Variants in PKNOX2 observed in about 807,000 individuals in gnomAD.
PKNOX2 encodes the protein PBX/knotted 1 homeobox 2.
A neutral mutation model predicts 53.1 loss-of-function variants in PKNOX2; 14 were observed. That is an observed-to-expected ratio of 0.26 (90% confidence interval 0.17 to 0.41). The LOEUF (loss-of-function observed/expected upper bound fraction) is 0.41. PKNOX2 is among the 10% of genes least tolerant of loss of function. The pLI, the probability that PKNOX2 is intolerant of heterozygous loss-of-function variation, is 1.00. For synonymous variants in PKNOX2, 257 were observed against 242.8 expected, an observed-to-expected ratio of 1.06 and a Z score of -0.54; for missense variants, 496 against 602.8, an observed-to-expected ratio of 0.82 and a Z score of 1.85.
chr11:125,297,117 G>A (rs376377555), intron 2 of PKNOX2, among the ~76,000 whole-genome samples: 3 of 152,222 alleles, frequency 2.0e-5, no homozygotes, highest in African/African-American at 4.8e-5. Context: ...AAGTTGTGCC[G>A]TAGCATCTGC....
At chr11:125,418,863 A>G (rs1053922632) in intron 10 of PKNOX2, among the ~76,000 whole-genome samples, 1 of 152,068 alleles carries the variant, frequency 6.6e-6, no homozygotes, top group African/African-American at 2.4e-5. Context: ...AACTATTTAT[A>G]TAGCATTTAC....
chr11:125,317,387 T>G (rs1949262090), intron 2 of PKNOX2, among the ~76,000 whole-genome samples: 1 of 152,200 alleles, frequency 6.6e-6, no homozygotes, highest in Non-Finnish European at 1.5e-5. Context: ...TTTTCTCAGA[T>G]CCACCAGAGG....
rs188404045 is a variant in PKNOX2 at position 125,312,699 on chromosome 11, G to A, written c.-129-19120G>A. 2.2e-3 allele frequency among the ~76,000 whole-genome samples: 328 copies of A among 152,294 alleles called. 2 individuals carry two copies. Among genetic ancestry groups the A allele is most frequent in the African/African-American group, 6.9e-3 (287 of 41,564 alleles). On this transcript the variant is annotated intron_variant, in intron 2 of 12. Coordinates refer to ENST00000298282, the MANE Select transcript of PKNOX2 (RefSeq NM_001382323.2). ...AACCACCCACCTCGAGGAGCTCCATGGAATGGAGGAGACGCACGTGCCCAT... is the reference window on the plus strand; with the variant it reads ...AACCACCCACCTCGAGGAGCTCCATAGAATGGAGGAGACGCACGTGCCCAT...
In PKNOX2 at chr11:125,355,266, C is replaced by CA. The variant is rs1185584702; in HGVS notation, c.87+3884dup. Among the ~76,000 whole-genome samples the CA allele has an allele frequency of 4.9e-3, 410 of 83,152 alleles. 2 individuals carry two copies. The highest frequency in any genetic ancestry group is 0.018 in the African/African-American group (371 of 20,842). 54.6% of individuals were successfully genotyped at this position (83,152 alleles called of 152,430 possible). A position where few individuals can be genotyped will look rare whatever the true frequency, so the allele number is the denominator to read the frequency against. On this transcript the variant is annotated intron_variant, in intron 4 of 12. Coordinates refer to ENST00000298282, the MANE Select transcript of PKNOX2 (RefSeq NM_001382323.2). ...TGAGTGACAGAGTGAGACTCTATCTCAAAAAAAAAAGAAAAAAAAAAAAAA... is the reference window on the plus strand; with the variant it reads ...TGAGTGACAGAGTGAGACTCTATCTCAAAAAAAAAAAGAAAAAAAAAAAAAA...
At chr11:125,261,990 A>G (rs908775858) in intron 2 of PKNOX2, among the ~76,000 whole-genome samples, 9 of 152,316 alleles carry the variant, frequency 5.9e-5, no homozygotes, top group East Asian at 5.8e-4. Context: ...ACAGCCCAGG[A>G]GGGTGCGGGG....
At chr11:125,197,669 AC>A (rs1937894625) in intron 1 of PKNOX2, among the ~76,000 whole-genome samples, 2 of 151,940 alleles carry the variant, frequency 1.3e-5, no homozygotes, top group Admixed American at 6.5e-5. Flanking sequence ...AACAACAACA[AC>A]AACAAAAAAA....
At chr11:125,295,793 TATCGTTTCGGC>T (rs1947620466) in intron 2 of PKNOX2, among the ~76,000 whole-genome samples, 1 of 152,190 alleles carries the variant, frequency 6.6e-6, no homozygotes, top group Non-Finnish European at 1.5e-5. Flanking sequence ...TTCTCGTCTG[TATCGTTTCGGC>T]ATCTGCTGGT....
intron 1 of PKNOX2, among the ~76,000 whole-genome samples, chr11:125,194,665 T>C (rs1865688661): frequency 6.6e-6 from 1 of 152,188 alleles, no homozygotes; most frequent in Admixed American, 6.5e-5. Context: ...CCCTTAGGCC[T>C]CATCCCTCCT....
At chr11:125,196,285 C>T (rs1937678643) in intron 1 of PKNOX2, among the ~76,000 whole-genome samples, 2 of 152,130 alleles carry the variant, frequency 1.3e-5, no homozygotes, top group African/African-American at 4.8e-5. Flanking sequence ...CAGTCACTGA[C>T]TCTTGTGCGT....
intron 4 of PKNOX2, among the ~76,000 whole-genome samples, chr11:125,364,380 G>T (rs775961939): frequency 3.9e-5 from 6 of 152,170 alleles, no homozygotes; most frequent in Admixed American, 3.3e-4. Flanking sequence ...CCTCTCAGCT[G>T]GGGCCTCTTG....
At chr11:125,226,839 C>T (rs1941738071) in intron 1 of PKNOX2, among the ~76,000 whole-genome samples, 1 of 151,240 alleles carries the variant, frequency 6.6e-6, no homozygotes, top group Non-Finnish European at 1.5e-5. Flanking sequence ...GAGTTGCCTT[C>T]CCTGTTGCAG....
intron 2 of PKNOX2, among the ~76,000 whole-genome samples, chr11:125,255,327 C>T (rs1944330345): frequency 1.3e-5 from 2 of 152,194 alleles, no homozygotes; most frequent in Non-Finnish European, 2.9e-5. Flanking sequence ...CCCCTCATTT[C>T]CCTGAGCTCT....
intron 2 of PKNOX2, among the ~76,000 whole-genome samples, chr11:125,315,271 C>G (rs3133346): frequency 7.1e-6 from 1 of 141,282 alleles, no homozygotes; most frequent in African/African-American, 2.7e-5. Flanking sequence ...TGCCAGGATG[C>G]TCAAACATTC....
At chr11:125,431,049 T>A in intron 12 of PKNOX2, 117 bp from the exon 13 acceptor site, 1 of 1,463,990 alleles carries the variant, frequency 6.8e-7, no homozygotes. Context: ...CTTGGACAGC[T>A]CTAAAAACAA....
chr11:125,405,839 T>C (rs1351000197), intron 7 of PKNOX2, among the ~76,000 whole-genome samples: 1 of 152,126 alleles, frequency 6.6e-6, no homozygotes, highest in Non-Finnish European at 1.5e-5. Context: ...CCCGGCGTGT[T>C]GGTTTTCATC....
chr11:125,401,766 A>AGTGAGTGTGT (rs1954766561), intron 7 of PKNOX2, among the ~76,000 whole-genome samples: 1 of 149,194 alleles, frequency 6.7e-6, no homozygotes, highest in African/African-American at 2.5e-5. Flanking sequence ...GGAGCTTGTG[A>AGTGAGTGTGT]GTGTGTGTGT....
chr11:125,380,214 C>A (rs1001240723), intron 5 of PKNOX2, among the ~76,000 whole-genome samples: 1 of 152,166 alleles, frequency 6.6e-6, no homozygotes, highest in Non-Finnish European at 1.5e-5. Context: ...AAATTCATTT[C>A]TCTTTATTAG....
intron 10 of PKNOX2, among the ~76,000 whole-genome samples, chr11:125,427,182 T>C (rs1591569697): frequency 2.0e-5 from 3 of 152,078 alleles, no homozygotes; most frequent in Admixed American, 2.0e-4. Flanking sequence ...GCTCCCAGAG[T>C]CCTTGCCTCT....
At position 125,166,952 on chromosome 11, in the gene PKNOX2, A is replaced by T. The variant is rs910876518; in HGVS notation, c.-201+2176A>T. Reference sequence around the variant, plus strand: ...AATCTGAGAATGATGGTGTTCAAACATAACACGGTGTATTACCCAAAGCCC... The same window carrying T: ...AATCTGAGAATGATGGTGTTCAAACTTAACACGGTGTATTACCCAAAGCCC... On this transcript the variant is annotated intron_variant, in intron 1 of 12. Coordinates refer to ENST00000298282, the MANE Select transcript of PKNOX2 (RefSeq NM_001382323.2). The surrounding 1 kb of genome is among the most constrained non-coding windows in gnomAD (Gnocchi z 4.0). Among the ~76,000 whole-genome samples, 1 of 152,162 alleles carries T rather than the reference A, an allele frequency of 6.6e-6. No individual in the cohort carries two copies. The highest frequency in any genetic ancestry group is 1.5e-5 in the Non-Finnish European group (1 of 68,036).
Sources: gnomAD v4.1 joint callset for allele counts (sites outside exome capture counted in the v4.1 genomes callset) on GRCh38, gnomAD v4.1.1 for gene constraint, Gnocchi (gnomAD v3.1) non-coding constraint, MANE v1.5 for transcripts, NCBI Gene and HGNC (gene_info 2026-07-23, HGNC 2026-07-21) for gene names.